The following TAF15 variants were observed in gnomAD, a reference collection of about 807,000 sequenced individuals.
TAF15 encodes the protein TATA-binding protein-associated factor 2N.
A neutral mutation model predicts 102.5 loss-of-function variants in TAF15; 37 were observed. The ratio of observed to expected loss-of-function variants is 0.36; its 90% CI spans 0.28 to 0.47. The LOEUF is 0.47. TAF15 is among the 20% of genes least tolerant of loss of function. The pLI is 0.99. For synonymous variants in TAF15, 273 were observed against 259.2 expected (o/e 1.05, Z -0.51); for missense variants, 652 against 760.7 (o/e 0.86, Z 1.68).
chr17:35,826,412 G>A (rs1038995252), intron 7 of TAF15, among the ~76,000 whole-genome samples: 3 of 152,102 alleles, frequency 2.0e-5, no homozygotes, highest in African/African-American at 7.2e-5. Flanking sequence ...AATGTTCTGG[G>A]TTTGGTGAAC....
At chr17:35,824,679 G>A (rs533340209) in intron 7 of TAF15, among the ~76,000 whole-genome samples, 17 of 152,298 alleles carry the variant, frequency 1.1e-4, no homozygotes, top group Non-Finnish European at 8.8e-5. Flanking sequence ...AAGATTTAAT[G>A]TAACAAAACT....
chr17:35,823,840 A>G (rs1373180150), intron 6 of TAF15: 2 of 583,540 alleles, frequency 3.4e-6, no homozygotes, highest in Admixed American at 2.8e-5. Flanking sequence ...GCAGAATGGA[A>G]TTTGACACAG....
In TAF15 at chr17:35,844,991, G is replaced by A. The variant is rs200820525; in HGVS notation, c.1692G>A (p.Gly564=). The change falls in exon 15 of 16, where the codon GGG becomes GGA. Residue 564 remains glycine (G), a synonymous_variant. Coordinates refer to ENST00000605844, the MANE Select transcript of TAF15 (RefSeq NM_139215.3). ...GCGGCTATGGAGGAGACCGAGGTGGGGGCTACGGAGGAGACCGAGGTGGCT... is the reference window on the plus strand; with the variant it reads ...GCGGCTATGGAGGAGACCGAGGTGGAGGCTACGGAGGAGACCGAGGTGGCT... ...SGGGYGGDRG[G]GYGGDRGGYG... 2 of 1,610,616 alleles carry A rather than the reference G, an allele frequency of 1.2e-6. No individual in the cohort carries two copies. Among genetic ancestry groups the A allele is most frequent in the Non-Finnish European group, 1.7e-6 (2 of 1,178,168 alleles).
chr17:35,840,172 A>G (rs974266872), intron 11 of TAF15, among the ~76,000 whole-genome samples: 35 of 151,962 alleles, frequency 2.3e-4, no homozygotes, highest in African/African-American at 8.5e-4. Context: ...TGCTGGATTG[A>G]CAAACACTTG....
At chr17:35,837,751 T>C (rs981520591) in intron 10 of TAF15, among the ~76,000 whole-genome samples, 3 of 150,612 alleles carry the variant, frequency 2.0e-5, no homozygotes, top group Non-Finnish European at 4.4e-5. Context: ...GATGTGAACC[T>C]GGGAGGTGAA....
intron 11 of TAF15, 96 bp downstream of exon 11, chr17:35,838,649 T>A: frequency 6.4e-7 from 1 of 1,565,114 alleles, no homozygotes; most frequent in Non-Finnish European, 8.7e-7. Flanking sequence ...ATTATATTCA[T>A]GTTTACTTTT....
At chr17:35,840,690 C>T (rs1333735728) in intron 11 of TAF15, among the ~76,000 whole-genome samples, 1 of 151,850 alleles carries the variant, frequency 6.6e-6, no homozygotes, top group African/African-American at 2.4e-5. Flanking sequence ...ATGGTGAAAT[C>T]CCATCTCTAC....
chr17:35,817,525 A>C (rs1401683073), intron 1 of TAF15, among the ~76,000 whole-genome samples, 191 bp from the exon 2 acceptor site: 1 of 152,186 alleles, frequency 6.6e-6, no homozygotes, highest in Admixed American at 6.5e-5. Flanking sequence ...GTAGTTTGCA[A>C]ATACGTAGTT....
At chr17:35,839,008 A>G (rs186228584) in intron 11 of TAF15, among the ~76,000 whole-genome samples, 114 of 152,142 alleles carry the variant, frequency 7.5e-4, no homozygotes, top group African/African-American at 2.6e-3. Context: ...GCTTATGCCT[A>G]TAATCCCAGT....
At chr17:35,835,211 A>G (rs1259116940) in intron 9 of TAF15, among the ~76,000 whole-genome samples, 2 of 152,234 alleles carry the variant, frequency 1.3e-5, no homozygotes, top group African/African-American at 2.4e-5. Flanking sequence ...TGCAAATCAG[A>G]TTAATGAAAG....
At chr17:35,846,119 G>C (rs1455359078) in intron 15 of TAF15, among the ~76,000 whole-genome samples, 1 of 152,194 alleles carries the variant, frequency 6.6e-6, no homozygotes, top group Non-Finnish European at 1.5e-5. Context: ...CTGTATGCCA[G>C]CGGCAATATA....
Position 35,834,544 on chromosome 17 carries a change from TTTTTC to T in TAF15, c.641-11_641-7del. ...TAAATAAATTGCCTTAAATAGCTCT[TTTTTC>T]TTTTCTTTTCCCTTAGGTCACAGGG... On this transcript the variant is annotated splice_polypyrimidine_tract_variant and intron_variant, in intron 8 of 15. Coordinates refer to ENST00000605844, the MANE Select transcript of TAF15 (RefSeq NM_139215.3). 1.2e-6 allele frequency: 2 copies of T among 1,612,648 alleles called. No homozygotes were observed. Among genetic ancestry groups the T allele is most frequent in the Non-Finnish European group, 8.5e-7 (1 of 1,179,218 alleles).
chr17:35,846,407 A>G, intron 15 of TAF15, among the ~76,000 whole-genome samples: 1 of 152,196 alleles, frequency 6.6e-6, no homozygotes, highest in Non-Finnish European at 1.5e-5. Context: ...CATCTATTGA[A>G]CACTGCTTAC....
intron 5 of TAF15, among the ~76,000 whole-genome samples, chr17:35,822,284 T>A (rs2087269780): frequency 6.7e-6 from 1 of 148,506 alleles, no homozygotes; most frequent in Non-Finnish European, 1.5e-5. Flanking sequence ...GAGGTTGCGG[T>A]GAGCCACGAT....
intron 1 of TAF15, chr17:35,816,583 T>C (rs1327692881): frequency 6.6e-6 from 1 of 152,230 alleles, no homozygotes; most frequent in Non-Finnish European, 1.5e-5. Flanking sequence ...TTGGGCCTGA[T>C]GGTCAACAGT....
chr17:35,816,403 G>C (rs2087195336), intron 1 of TAF15, among the ~76,000 whole-genome samples: 1 of 152,190 alleles, frequency 6.6e-6, no homozygotes, highest in South Asian at 2.1e-4. Flanking sequence ...AGGAGGCTGA[G>C]GCAGGAGAAT....
chr17:35,824,912 C>CT (rs1258871692), intron 7 of TAF15, among the ~76,000 whole-genome samples: 2 of 144,640 alleles, frequency 1.4e-5, no homozygotes, highest in East Asian at 4.2e-4. Context: ...AAGTTTACTA[C>CT]TTTGACTGTA....
chr17:35,827,705 C>CAAA (rs1038289629), intron 7 of TAF15, among the ~76,000 whole-genome samples: 1 of 128,810 alleles, frequency 7.8e-6, no homozygotes. Flanking sequence ...AACTCCATCG[C>CAAA]AAAAAAAAAA....
rs560422727 is a variant in TAF15 at position 35,831,525 on chromosome 17, CTGT to C, written c.606-2377_606-2375del. Among the ~76,000 whole-genome samples the C allele has an allele frequency of 2.8e-3, 419 of 151,764 alleles. 5 individuals are homozygous for C. Among genetic ancestry groups the C allele is most frequent in the African/African-American group, 9.8e-3 (406 of 41,404 alleles). ...TTTTTGCCAGGGGTATGTCCTTTTTCTGTTGTTCAAAGTTATATTACTGGCCAG... is the reference window on the plus strand; with the variant it reads ...TTTTTGCCAGGGGTATGTCCTTTTTCTGTTCAAAGTTATATTACTGGCCAG... On this transcript the variant is annotated intron_variant, in intron 7 of 15. Coordinates refer to ENST00000605844, the MANE Select transcript of TAF15 (RefSeq NM_139215.3).
Sources: gnomAD v4.1 joint callset for allele counts (sites outside exome capture counted in the v4.1 genomes callset) on GRCh38, gnomAD v4.1.1 for gene constraint, MANE v1.5 for transcripts, NCBI Gene and HGNC (gene_info 2026-07-23, HGNC 2026-07-21) for gene names.